PPARGC1A: variants seen among roughly 807,000 people sequenced by gnomAD.
The protein encoded by PPARGC1A is PPARG coactivator 1 alpha, also known as peroxisome proliferator-activated receptor gamma coactivator 1-alpha.
Under a neutral mutation model 88.7 loss-of-function variants are expected in PPARGC1A, and 25 were observed. The observed-to-expected ratio is 0.28, with a 90% CI of 0.21 to 0.39. The LOEUF (loss-of-function observed/expected upper bound fraction) is 0.39. Ranked by LOEUF, PPARGC1A falls within the 10% of genes least tolerant of loss-of-function variation. The pLI is 1.00. For missense variants in PPARGC1A, 880 were observed against 968.7 expected, an observed-to-expected ratio of 0.91 and a Z score of 1.22; for synonymous variants, 363 against 355.6, an observed-to-expected ratio of 1.02 and a Z score of -0.24.
the PPARGC1A span, among the ~76,000 whole-genome samples, chr4:24,390,831 A>C: frequency 1.3e-5 from 2 of 152,032 alleles, no homozygotes; most frequent in African/African-American, 4.8e-5. Context: ...CTGATACAAT[A>C]TGGAGATCTA....
intron 2 of PPARGC1A, chr4:23,884,387 A>C (rs1190824368): frequency 1.0e-5 from 3 of 288,098 alleles, no homozygotes; most frequent in African/African-American, 2.2e-5. Context: ...ATTAATTTAT[A>C]TGAGGTACCA....
the PPARGC1A span, among the ~76,000 whole-genome samples, chr4:23,970,014 T>C: frequency 2.6e-5 from 4 of 152,304 alleles, no homozygotes; most frequent in African/African-American, 7.2e-5. Context: ...GATGGTGATA[T>C]AAGATATAAA....
At chr4:23,997,690 C>T in the PPARGC1A span, among the ~76,000 whole-genome samples, 2 of 151,838 alleles carry the variant, frequency 1.3e-5, no homozygotes, top group African/African-American at 4.8e-5. Flanking sequence ...TTAGTAGAGA[C>T]AGGTTTGCCC....
the PPARGC1A span, among the ~76,000 whole-genome samples, chr4:23,988,205 G>A: frequency 8.3e-4 from 127 of 152,136 alleles, 1 homozygote; most frequent in African/African-American, 2.9e-3. Flanking sequence ...ATTTGGGTTG[G>A]TTCCAGGCCT....
chr4:24,149,455 C>G, the PPARGC1A span, among the ~76,000 whole-genome samples: 1 of 151,924 alleles, frequency 6.6e-6, no homozygotes, highest in East Asian at 1.9e-4. Flanking sequence ...AACCTGTACC[C>G]ACAAAATTAG....
At chr4:23,977,912 A>T in the PPARGC1A span, among the ~76,000 whole-genome samples, 6 of 152,196 alleles carry the variant, frequency 3.9e-5, no homozygotes, top group Non-Finnish European at 8.8e-5. Context: ...TTTGCATTAG[A>T]ATTGATTAGT....
chr4:24,131,185 G>A, the PPARGC1A span, among the ~76,000 whole-genome samples: 4 of 151,456 alleles, frequency 2.6e-5, no homozygotes, highest in African/African-American at 4.9e-5. Flanking sequence ...TTTGATAAAT[G>A]TTTGTTGAAT....
Position 23,837,746 on chromosome 4 carries a change from C to A in PPARGC1A, c.235-5995G>T, listed in dbSNP as rs1243587160. ...TATCCACTACTTTGGATTATTGGTT[C>A]CGCTAGGCCCCACCAGGACTTCAAA... On this transcript the variant is annotated intron_variant, in intron 2 of 12. Coordinates refer to ENST00000264867, the MANE Select transcript of PPARGC1A (RefSeq NM_013261.5). 3.3e-5 allele frequency among the ~76,000 whole-genome samples: 5 copies of A among 152,284 alleles called. No individual in the cohort carries two copies. In the South Asian group the frequency reaches 6.2e-4, roughly 19 times the overall value.
chr4:23,796,035 C>A (rs1205329654), intron 12 of PPARGC1A, 110 bp from the exon 13 acceptor site: 19 of 767,856 alleles, frequency 2.5e-5, no homozygotes, highest in South Asian at 2.0e-4. Context: ...AATCAATATA[C>A]TTTAGAAAAC....
At chr4:23,875,433 C>T (rs1035416975) in intron 2 of PPARGC1A, among the ~76,000 whole-genome samples, 2 of 151,966 alleles carry the variant, frequency 1.3e-5, no homozygotes, top group Non-Finnish European at 2.9e-5. Context: ...GTTATCCAAA[C>T]CTGTATCTCT....
At chr4:24,017,635 T>C in the PPARGC1A span, among the ~76,000 whole-genome samples, 1 of 152,136 alleles carries the variant, frequency 6.6e-6, no homozygotes, top group Non-Finnish European at 1.5e-5. Context: ...AATTTGTACT[T>C]AGAATATTTT....
the PPARGC1A span, among the ~76,000 whole-genome samples, chr4:23,941,042 C>T: frequency 2.0e-5 from 3 of 152,032 alleles, no homozygotes; most frequent in East Asian, 5.8e-4. Context: ...AATAGTTTTT[C>T]TTAATTTTAT....
At chr4:24,396,416 G>A in the PPARGC1A span, among the ~76,000 whole-genome samples, 22 of 152,202 alleles carry the variant, frequency 1.4e-4, no homozygotes, top group Admixed American at 8.5e-4. Context: ...TTGTTGACTC[G>A]TGACCTTTAT....
At chr4:24,239,508 CT>C in the PPARGC1A span, among the ~76,000 whole-genome samples, 3 of 152,158 alleles carry the variant, frequency 2.0e-5, no homozygotes, top group Non-Finnish European at 4.4e-5. Flanking sequence ...TTTTCTAACC[CT>C]TTGTGTCTCT....
intron 1 of PPARGC1A, chr4:23,889,034 T>C (rs892112707): frequency 1.0e-6 from 1 of 985,402 alleles, no homozygotes; most frequent in Non-Finnish European, 1.2e-6. Flanking sequence ...GCCGAGGTCC[T>C]CCGTCCCCCC....
At chr4:23,891,779 CT>C (rs1717884830), upstream of PPARGC1A, among the ~76,000 whole-genome samples, 1 of 152,084 alleles carries the variant, frequency 6.6e-6, no homozygotes, top group Non-Finnish European at 1.5e-5. Flanking sequence ...TTTTAATTTT[CT>C]AATGAAAGAA....
At chr4:24,381,247 C>T in the PPARGC1A span, among the ~76,000 whole-genome samples, 1 of 152,188 alleles carries the variant, frequency 6.6e-6, no homozygotes, top group Non-Finnish European at 1.5e-5. Context: ...AGTACAAATC[C>T]TCATTGACCA....
chr4:23,841,039 T>C (rs952223144), intron 2 of PPARGC1A, among the ~76,000 whole-genome samples: 1 of 152,110 alleles, frequency 6.6e-6, no homozygotes, highest in Admixed American at 6.5e-5. Context: ...TAGAAGTAAA[T>C]GTAATGATCA....
the PPARGC1A span, among the ~76,000 whole-genome samples, chr4:24,415,082 T>C: frequency 1.3e-5 from 2 of 151,718 alleles, no homozygotes; most frequent in African/African-American, 2.4e-5. Context: ...CCCAGCTACT[T>C]GGGAAGCTGA....
Sources: gnomAD v4.1 joint callset for allele counts (sites outside exome capture counted in the v4.1 genomes callset) on GRCh38, gnomAD v4.1.1 for gene constraint, MANE v1.5 for transcripts, NCBI Gene and HGNC (gene_info 2026-07-23, HGNC 2026-07-21) for gene names.